Variants in SULT1C3 observed in about 807,000 individuals in gnomAD.
SULT1C3 encodes sulfotransferase family 1C member 3.
Under a neutral mutation model 28.4 loss-of-function variants are expected in SULT1C3, and 31 were observed. The ratio of observed to expected loss-of-function variants is 1.09; its 90% CI spans 0.82 to 1.47. The LOEUF (loss-of-function observed/expected upper bound fraction) is 1.47, where lower values mean the gene tolerates loss of function less well. SULT1C3 is among the 40% of genes most tolerant of loss of function. The probability of loss-of-function intolerance (pLI) is 0.00; values close to 1 mark genes in which losing one functional copy is unlikely to be tolerated. For synonymous variants in SULT1C3, 106 were observed against 92.2 expected, an observed-to-expected ratio of 1.15 and a Z score of -0.86; for missense variants, 307 against 272.5, an observed-to-expected ratio of 1.13 and a Z score of -0.89.
At chr2:108,253,759 C>T (rs563004283) in intron 4 of SULT1C3, among the ~76,000 whole-genome samples, 2 of 151,900 alleles carry the variant, frequency 1.3e-5, no homozygotes, top group Non-Finnish European at 2.9e-5. Flanking sequence ...AAAAATAAAA[C>T]CCTGTTGCTT....
intron 1 of SULT1C3, among the ~76,000 whole-genome samples, chr2:108,246,076 C>T (rs745568368): frequency 6.6e-6 from 1 of 152,158 alleles, no homozygotes; most frequent in Non-Finnish European, 1.5e-5. Context: ...GTGACCTTTA[C>T]TTCAGTTCCC....
Position 108,255,555 on chromosome 2 carries a change from C to T in SULT1C3, c.400-17C>T. Reference sequence around the variant, plus strand: ...TATTTTTCTCTCCATGGCTTCCTTCCCTCTCCTTGATTTCAGATTGTCTAT... The same window carrying T: ...TATTTTTCTCTCCATGGCTTCCTTCTCTCTCCTTGATTTCAGATTGTCTAT... On this transcript the variant is annotated splice_polypyrimidine_tract_variant and intron_variant, in intron 4 of 7. Transcript: ENST00000681802. 6.2e-7 allele frequency: 1 copy of T among 1,607,590 alleles called. No individual in the cohort carries two copies. The highest frequency in any genetic ancestry group is 8.5e-7 in the Non-Finnish European group (1 of 1,176,692).
intron 5 of SULT1C3, among the ~76,000 whole-genome samples, chr2:108,256,640 G>T (rs112947540): frequency 0.014 from 2,167 of 152,118 alleles, 22 homozygotes; most frequent in South Asian, 0.047. Flanking sequence ...AGGGACCTGA[G>T]CTTCATTATA....
chr2:108,259,012 CTTGGTCAGGTG>C lies in SULT1C3; in HGVS notation c.669_679del (p.Trp224CysfsTer12), dbSNP rs779623581. 2.1e-5 allele frequency: 7 copies of C among 326,464 alleles called. No homozygotes were observed. Among genetic ancestry groups the C allele is most frequent in the East Asian group, 1.6e-4 (5 of 31,662 alleles). 20.2% of individuals were successfully genotyped at this position (326,464 alleles called of 1,614,324 possible). A position where few individuals can be genotyped will look rare whatever the true frequency, so the allele number is the denominator to read the frequency against. ...AAGGTGTTGGAATTCTTGGAGAAAA[CTTGGTCAGGTG>C]ATGTTATAAACAAGATTGTCCACCA... On this transcript the variant is annotated frameshift_variant, in exon 7 of 8. Coordinates refer to ENST00000681802, the MANE Select transcript of SULT1C3 (RefSeq NM_001320878.2). LOFTEE classifies it high-confidence loss of function.
At position 108,252,254 on chromosome 2, in the gene SULT1C3, T is replaced by C. The variant is rs182589605; in HGVS notation, c.173-111T>C. ...AGTTTTCATTTCTGCCTTGGCAACA[T>C]TGATCTAATTTTAAAGTGCTCTCAT... On this transcript the variant is annotated intron_variant, in intron 2 of 7. Transcript: ENST00000681802. 7.5e-5 allele frequency: 77 copies of C among 1,032,676 alleles called. No individual in the cohort carries two copies. The Admixed American group carries it at 1.3e-3, about 17-fold the overall frequency. The allele number at this position is 1,032,676 out of a possible 1,614,324, so 64.0% of individuals were successfully genotyped here.
chr2:108,243,828 T>G (rs961427494), intron 1 of SULT1C3, among the ~76,000 whole-genome samples: 7 of 152,176 alleles, frequency 4.6e-5, no homozygotes, highest in Admixed American at 4.6e-4. Flanking sequence ...ACCACCCGAT[T>G]GACAAACTGG....
chr2:108,254,346 A>C, intron 4 of SULT1C3, among the ~76,000 whole-genome samples: 1 of 151,882 alleles, frequency 6.6e-6, no homozygotes, highest in African/African-American at 2.4e-5. Context: ...TTACTTGCAT[A>C]ATTCCTACTT....
chr2:108,255,664 A>G lies in SULT1C3; in HGVS notation c.492A>G (p.Leu164=), dbSNP rs1286456518. 1.7e-5 allele frequency: 27 copies of G among 1,611,304 alleles called. No homozygotes were observed. The highest frequency in any genetic ancestry group is 2.3e-5 in the Non-Finnish European group (27 of 1,178,216). ...MASFMPDPQN[L]EEFYEKFMSG... is the part of the protein sequence containing the mutation. ...CCTTTATGCCTGATCCTCAGAACTT[A>G]GAGGAATTTTATGAGAAATTCATGT... Residue 164 remains leucine (L), a synonymous_variant, in exon 5 of 8, where the codon TTA becomes TTG. Coordinates refer to ENST00000681802, the MANE Select transcript of SULT1C3 (RefSeq NM_001320878.2).
intron 2 of SULT1C3, among the ~76,000 whole-genome samples, chr2:108,247,623 T>C (rs185558639): frequency 6.6e-6 from 1 of 152,242 alleles, no homozygotes; most frequent in African/African-American, 2.4e-5. Flanking sequence ...CCAGAACCCA[T>C]AGCATACATC....
At chr2:108,264,606 C>T (rs1676090995), downstream of SULT1C3, among the ~76,000 whole-genome samples, 1 of 152,192 alleles carries the variant, frequency 6.6e-6, no homozygotes, top group African/African-American at 2.4e-5. Flanking sequence ...TCCTTTCCTT[C>T]AAGGTAAGCC....
intron 1 of SULT1C3, among the ~76,000 whole-genome samples, chr2:108,241,834 G>A (rs1373189488): frequency 6.6e-6 from 1 of 151,884 alleles, no homozygotes; most frequent in African/African-American, 2.4e-5. Context: ...GGCTGAGGCA[G>A]GAGAATGGCA....
intron 3 of SULT1C3, among the ~76,000 whole-genome samples, chr2:108,252,996 CAA>C (rs1335399829): frequency 2.0e-5 from 3 of 151,498 alleles, no homozygotes; most frequent in Admixed American, 2.0e-4. Context: ...CCAAGAATGA[CAA>C]CCTATTGTAA....
rs1002948378 is a variant in SULT1C3, at chr2:108,259,558, T to C, written c.802+412T>C. Among the ~76,000 whole-genome samples the C allele has an allele frequency of 3.9e-5, 6 of 152,142 alleles. No homozygotes were observed. In the East Asian group the frequency reaches 1.2e-3, roughly 29 times the overall value. ...AACACTCATCTTTAGTCTATCCCTG[T>C]AGTTCAAAACCCTAGCTAAGCACTT... On this transcript the variant is annotated intron_variant, in intron 7 of 7. Coordinates refer to ENST00000681802, the MANE Select transcript of SULT1C3 (RefSeq NM_001320878.2).
At chr2:108,263,121 CT>C (rs1485570004), downstream of SULT1C3, among the ~76,000 whole-genome samples, 3 of 152,118 alleles carry the variant, frequency 2.0e-5, no homozygotes, top group African/African-American at 4.8e-5. Context: ...ATCTTGTCTC[CT>C]GTTAAACTAC....
At chr2:108,255,242 C>T (rs890450976) in intron 4 of SULT1C3, among the ~76,000 whole-genome samples, 4 of 151,986 alleles carry the variant, frequency 2.6e-5, no homozygotes, top group African/African-American at 9.7e-5. Context: ...TGCTTTGTCA[C>T]TGGCTCCATG....
chr2:108,253,564 T>C, intron 4 of SULT1C3, 122 bp downstream of exon 4: 1 of 457,604 alleles, frequency 2.2e-6, no homozygotes, highest in Non-Finnish European at 3.6e-6. Context: ...GCTATTTTTC[T>C]TAGATGAAGC....
intron 1 of SULT1C3, among the ~76,000 whole-genome samples, chr2:108,243,316 A>T (rs975423053): frequency 1.3e-5 from 2 of 152,120 alleles, no homozygotes; most frequent in Non-Finnish European, 2.9e-5. Context: ...TAAAACAAAG[A>T]TGGTAACAGC....
At chr2:108,240,267 T>C (rs1204245824) in intron 1 of SULT1C3, among the ~76,000 whole-genome samples, 184 bp downstream of exon 1, 1 of 152,228 alleles carries the variant, frequency 6.6e-6, no homozygotes, top group African/African-American at 2.4e-5. Context: ...CTTCAGATGG[T>C]ATTGGGTCCT....
intron 1 of SULT1C3, among the ~76,000 whole-genome samples, chr2:108,243,068 C>T (rs1675500345): frequency 6.6e-6 from 1 of 151,620 alleles, no homozygotes; most frequent in East Asian, 1.9e-4. Flanking sequence ...CAAAAAGTAA[C>T]CTTACAGGTG....
Sources: allele counts gnomAD v4.1 joint callset (sites outside exome capture counted in the v4.1 genomes callset), GRCh38; gene constraint gnomAD v4.1.1; transcripts MANE v1.5; gene names NCBI Gene and HGNC (gene_info 2026-07-23, HGNC 2026-07-21).